The following HIBADH variants were observed in gnomAD, a reference collection of about 807,000 sequenced individuals.
HIBADH encodes 3-hydroxyisobutyrate dehydrogenase, mitochondrial.
Under a neutral mutation model 36.1 loss-of-function variants are expected in HIBADH, and 25 were observed. That is an observed-to-expected ratio of 0.69 (90% CI 0.50 to 0.97). The LOEUF is 0.97. HIBADH is among the 50% of genes least tolerant of loss of function. The probability of loss-of-function intolerance (pLI) is 0.00; values close to 1 mark genes in which losing one functional copy is unlikely to be tolerated. For synonymous variants in HIBADH, 160 were observed against 149.5 expected (o/e 1.07, Z -0.51); for missense variants, 421 against 418.0 (o/e 1.01, Z -0.06).
chr7:27,563,124 G>T (rs2128187030), intron 4 of HIBADH, among the ~76,000 whole-genome samples: 1 of 152,118 alleles, frequency 6.6e-6, no homozygotes. Context: ...CATTCCCACG[G>T]TTTTGCCTTT....
At chr7:27,657,876 A>C (rs1328944486) in intron 1 of HIBADH, among the ~76,000 whole-genome samples, 3 of 152,154 alleles carry the variant, frequency 2.0e-5, no homozygotes, top group African/African-American at 7.2e-5. Context: ...ACTTCAGAAG[A>C]TTATTGTAAA....
rs73299377 is a variant in HIBADH at position 27,576,099 on chromosome 7, T to G, written c.485-32999A>C. ...AATCCAAAGGAGGGAAGGAAAGAAA[T>G]AAGACAGCAGAGAAAGGGATGGGAG... On this transcript the variant is annotated intron_variant, in intron 4 of 7. Transcript: ENST00000265395. Among the ~76,000 whole-genome samples the G allele has an allele frequency of 4.8e-3, 736 of 152,092 alleles. 5 individuals are homozygous for G. Among genetic ancestry groups the G allele is most frequent in the African/African-American group, 0.017 (706 of 41,470 alleles).
At chr7:27,622,856 T>C (rs1404067210) in intron 4 of HIBADH, among the ~76,000 whole-genome samples, 1 of 152,126 alleles carries the variant, frequency 6.6e-6, no homozygotes, top group Admixed American at 6.5e-5. Context: ...AATACTAATC[T>C]TTTTGAAACT....
intron 4 of HIBADH, among the ~76,000 whole-genome samples, chr7:27,560,202 A>G (rs553765162): frequency 6.6e-6 from 1 of 152,176 alleles, no homozygotes. Flanking sequence ...GCTCACTGCA[A>G]CCTTCACTGC....
chr7:27,574,709 C>A (rs777753814), intron 4 of HIBADH, among the ~76,000 whole-genome samples: 1 of 152,160 alleles, frequency 6.6e-6, no homozygotes, highest in Admixed American at 6.5e-5. Context: ...AAAGAGCCCC[C>A]AAAATATAGT....
intron 4 of HIBADH, among the ~76,000 whole-genome samples, chr7:27,595,888 G>A (rs1039778667): frequency 1.3e-5 from 2 of 151,916 alleles, no homozygotes; most frequent in African/African-American, 4.8e-5. Context: ...GCTCAAACAA[G>A]ATCGTAATTT....
At chr7:27,633,365 T>C (rs1172593385) in intron 2 of HIBADH, among the ~76,000 whole-genome samples, 2 of 152,102 alleles carry the variant, frequency 1.3e-5, no homozygotes, top group Non-Finnish European at 2.9e-5. Flanking sequence ...TCTCCTTTAA[T>C]AGAAAGAATC....
chr7:27,539,152 C>CA (rs1275923280), intron 5 of HIBADH, among the ~76,000 whole-genome samples: 1 of 152,006 alleles, frequency 6.6e-6, no homozygotes, highest in East Asian at 1.9e-4. Flanking sequence ...AATGGGGAAG[C>CA]ACTATGATGA....
chr7:27,590,910 C>G (rs561990656), intron 4 of HIBADH, among the ~76,000 whole-genome samples: 48 of 152,248 alleles, frequency 3.2e-4, no homozygotes, highest in African/African-American at 1.0e-3. Flanking sequence ...TCGCTTCAAT[C>G]CTTGAATATC....
intron 4 of HIBADH, among the ~76,000 whole-genome samples, chr7:27,577,232 C>T (rs999019835): frequency 1.9e-4 from 26 of 138,888 alleles, no homozygotes; most frequent in Admixed American, 3.9e-4. Flanking sequence ...GGCATGATTT[C>T]GGCTCACCAC....
At chr7:27,607,651 ATTTT>A (rs747880640) in intron 4 of HIBADH, among the ~76,000 whole-genome samples, 2 of 152,198 alleles carry the variant, frequency 1.3e-5, no homozygotes, top group Non-Finnish European at 2.9e-5. Flanking sequence ...GGAAATAATT[ATTTT>A]AACTATCTGA....
intron 4 of HIBADH, among the ~76,000 whole-genome samples, chr7:27,561,916 G>T (rs890385807): frequency 6.6e-6 from 1 of 152,004 alleles, no homozygotes; most frequent in Non-Finnish European, 1.5e-5. Context: ...CCATTTATTA[G>T]ATATTAGTAA....
chr7:27,659,434 C>T (rs934306936), intron 1 of HIBADH, among the ~76,000 whole-genome samples: 15 of 152,060 alleles, frequency 9.9e-5, no homozygotes, highest in African/African-American at 3.6e-4. Context: ...TAAAATTAGG[C>T]TTAGGCACAG....
chr7:27,644,806 A>C (rs1172767268), intron 2 of HIBADH, among the ~76,000 whole-genome samples: 1 of 151,758 alleles, frequency 6.6e-6, no homozygotes, highest in Admixed American at 6.6e-5. Flanking sequence ...ATTAGCTATC[A>C]TTCCTCTATG....
chr7:27,536,235 C>T (rs1784068222), intron 6 of HIBADH, among the ~76,000 whole-genome samples: 2 of 152,012 alleles, frequency 1.3e-5, no homozygotes, highest in African/African-American at 4.8e-5. Context: ...GGTCTTTAAA[C>T]CACTGAGAAT....
At chr7:27,599,066 T>C (rs991354221) in intron 4 of HIBADH, among the ~76,000 whole-genome samples, 2 of 151,948 alleles carry the variant, frequency 1.3e-5, no homozygotes, top group African/African-American at 2.4e-5. Context: ...CTTACAATGA[T>C]ATGTGATTGC....
At chr7:27,617,605 A>C (rs961747694) in intron 4 of HIBADH, among the ~76,000 whole-genome samples, 3 of 152,188 alleles carry the variant, frequency 2.0e-5, no homozygotes, top group Non-Finnish European at 2.9e-5. Flanking sequence ...CAAACACCAG[A>C]GGCATAGAAA....
chr7:27,531,377 A>G lies in HIBADH; in HGVS notation c.696-29T>C, dbSNP rs370669214. On this transcript the variant is annotated intron_variant, in intron 6 of 7. Coordinates refer to ENST00000265395, the MANE Select transcript of HIBADH (RefSeq NM_152740.4). ...TCAAAGGTCAAAGAAAAGAAGTGTT[A>G]AGTGTCAAAATGTACACGTCGTGCG... 4 of 1,586,394 alleles carry G rather than the reference A, an allele frequency of 2.5e-6. No homozygotes were observed. The East Asian group carries it at 9.0e-5, about 36-fold the overall frequency.
intron 4 of HIBADH, among the ~76,000 whole-genome samples, chr7:27,574,748 A>G (rs552996954): frequency 7.2e-5 from 11 of 152,238 alleles, no homozygotes; most frequent in Non-Finnish European, 1.3e-4. Flanking sequence ...TATCTTCCAC[A>G]TCTCTTATTT....
Sources: gnomAD v4.1 joint callset for allele counts (sites outside exome capture counted in the v4.1 genomes callset) on GRCh38, gnomAD v4.1.1 for gene constraint, MANE v1.5 for transcripts, NCBI Gene and HGNC (gene_info 2026-07-23, HGNC 2026-07-21) for gene names.